Variants in UBE2T observed in about 807,000 individuals in gnomAD.
UBE2T encodes ubiquitin-conjugating enzyme E2 T.
UBE2T carries 15 observed loss-of-function variants against 23.3 expected under a neutral mutation model. The observed-to-expected ratio is 0.64, with a 90% confidence interval of 0.43 to 0.99. UBE2T has a LOEUF of 0.99. Among genes scored for constraint, UBE2T ranks in the 50% least tolerant of loss-of-function variants. UBE2T has a pLI of 0.00. For synonymous variants in UBE2T, 67 were observed against 78.4 expected, an observed-to-expected ratio of 0.85 and a Z score of 0.77; for missense variants, 197 against 234.9, an observed-to-expected ratio of 0.84 and a Z score of 1.05.
At chr1:202,333,137 T>C (rs1335175462) in intron 5 of UBE2T, 44 bp from the exon 6 acceptor site, 1 of 1,604,690 alleles carries the variant, frequency 6.2e-7, no homozygotes, top group Non-Finnish European at 8.5e-7. Flanking sequence ...AAAAACATGA[T>C]TTGCAGTGGT....
At chr1:202,334,926 GCT>G in intron 3 of UBE2T, 61 bp downstream of exon 3, 3 of 1,484,090 alleles carry the variant, frequency 2.0e-6, no homozygotes, top group African/African-American at 1.4e-5. Flanking sequence ...CTACTACATT[GCT>G]CTGTCTCCCA....
chr1:202,335,659 A>G lies in UBE2T; in HGVS notation c.96T>C (p.Asp32=), dbSNP rs199717470. Residue 32 remains aspartate, a synonymous_variant, in exon 2 of 7, where the codon GAT becomes GAC. Transcript: ENST00000646651. This position sits in a 1 kb window ranked among gnomAD's most constrained non-coding sequence, Gnocchi z 4.0. ...TTTGATACCTACGAGCTCGCAGGTC[A>G]TCCATTTGGTCTTTATCTTGCCAAC... is the stretch of plus-strand genomic sequence containing the variant. ...ITCWQDKDQM[D]DLRAQILGGA... The G allele has an allele frequency of 4.3e-6, 7 of 1,614,016 alleles. No homozygotes were observed. In the Admixed American group the frequency reaches 8.3e-5, roughly 19 times the overall value.
At chr1:202,340,366 T>G (rs1033704301) in intron 1 of UBE2T, among the ~76,000 whole-genome samples, 2 of 150,528 alleles carry the variant, frequency 1.3e-5, no homozygotes, top group African/African-American at 4.9e-5. Flanking sequence ...ATACAAAAAT[T>G]AGCAAAGTGT....
intron 1 of UBE2T, among the ~76,000 whole-genome samples, chr1:202,339,618 A>C (rs974373793): frequency 1.3e-5 from 2 of 151,796 alleles, no homozygotes; most frequent in African/African-American, 2.4e-5. Context: ...AAAAAAAAAA[A>C]AAAACATCTT....
chr1:202,338,846 C>T (rs1654939235), intron 1 of UBE2T, among the ~76,000 whole-genome samples: 1 of 151,092 alleles, frequency 6.6e-6, no homozygotes, highest in Admixed American at 6.6e-5. Flanking sequence ...TGCACTCCAG[C>T]CTGGGAGGCA....
chr1:202,337,231 G>A (rs1238496555), intron 1 of UBE2T, among the ~76,000 whole-genome samples: 1 of 152,082 alleles, frequency 6.6e-6, no homozygotes, highest in Non-Finnish European at 1.5e-5. Context: ...GTGAGCCACC[G>A]CGCCCAGCCA....
chr1:202,331,877 A>T lies in UBE2T; in HGVS notation c.552T>A (p.Ser184Arg). ...VHNSTQKRKA[S>R]QLVGIEKKFH... Reference sequence around the variant, plus strand: ...ATTTCTTTTCTATGCCTACTAGCTGACTGGCCTTCCTTTTCTGTGTTGAGT... The same window carrying T: ...ATTTCTTTTCTATGCCTACTAGCTGTCTGGCCTTCCTTTTCTGTGTTGAGT... Residue 184 changes from serine to arginine, a missense_variant, in exon 7 of 7, where the codon AGT (serine) becomes AGA (arginine). Coordinates refer to ENST00000646651, the MANE Select transcript of UBE2T (RefSeq NM_014176.4). 5 of 1,614,124 alleles carry T rather than the reference A, an allele frequency of 3.1e-6. No homozygotes were observed. Among genetic ancestry groups the T allele is most frequent in the Non-Finnish European group, 4.2e-6 (5 of 1,179,998 alleles).
intron 1 of UBE2T, among the ~76,000 whole-genome samples, chr1:202,340,860 A>G (rs1448347640): frequency 6.6e-6 from 1 of 152,250 alleles, no homozygotes; most frequent in Admixed American, 6.5e-5. Flanking sequence ...AAATTGGCAT[A>G]TGCCATTCTT....
In UBE2T at chr1:202,333,053, T is replaced by C. The variant is rs1654801189; in HGVS notation, c.425A>G (p.Asn142Ser). 1 of 1,613,814 alleles carries C rather than the reference T, an allele frequency of 6.2e-7. No individual in the cohort carries two copies. Among genetic ancestry groups the C allele is most frequent in the Non-Finnish European group, 8.5e-7 (1 of 1,179,958 alleles). Reference protein sequence around the residue: ...FKYNKPAFLKNARQWTEKHAR... With the variant: ...FKYNKPAFLKSARQWTEKHAR... The stretch of plus-strand genomic sequence containing the variant: ...ATGCTTCTCTGTCCACTGTCTGGCA[T>C]TCTTGAGGAAGGCTGGCTTATTATA... Residue 142 changes from asparagine (N) to serine (S), a missense_variant, in exon 6 of 7, where the codon AAT (asparagine) becomes AGT (serine). Coordinates refer to ENST00000646651, the MANE Select transcript of UBE2T (RefSeq NM_014176.4).
chr1:202,332,111 C>G (rs1280828392), intron 6 of UBE2T, 151 bp from the exon 7 acceptor site: 5 of 1,011,302 alleles, frequency 4.9e-6, no homozygotes, highest in Non-Finnish European at 6.7e-6. Flanking sequence ...AGACATCTTC[C>G]TCAATTTTTT....
intron 6 of UBE2T, among the ~76,000 whole-genome samples, chr1:202,332,315 GT>G (rs1363399278): frequency 6.6e-6 from 1 of 152,074 alleles, no homozygotes; most frequent in African/African-American, 2.4e-5. Flanking sequence ...CCTAAGAAAA[GT>G]TTCCCCCATC....
chr1:202,334,883 G>C, intron 3 of UBE2T, 106 bp downstream of exon 3: 15 of 1,031,842 alleles, frequency 1.5e-5, no homozygotes, highest in Non-Finnish European at 2.0e-5. Context: ...TCATGATAAG[G>C]CCAGGATTAA....
intron 5 of UBE2T, 31 bp from the exon 6 acceptor site, chr1:202,333,124 G>T: frequency 6.2e-7 from 1 of 1,607,570 alleles, no homozygotes; most frequent in Non-Finnish European, 8.5e-7. Flanking sequence ...AGAGTTAATG[G>T]AGAAAAACAT....
At position 202,331,777 on chromosome 1, in the gene UBE2T, G is replaced by A; in HGVS notation, c.*58C>T. ...ATATTTAAAAAAAAATTCAAGGTAG[G>A]CAACTTAGATCACCTTGGCAAAGAA... On this transcript the variant is annotated 3_prime_UTR_variant, in exon 7 of 7. Coordinates refer to ENST00000646651, the MANE Select transcript of UBE2T (RefSeq NM_014176.4). The A allele has an allele frequency of 1.3e-6, 2 of 1,586,540 alleles. No homozygotes were observed. The highest frequency in any genetic ancestry group is 1.7e-6 in the Non-Finnish European group (2 of 1,166,524).
rs57598991 is a variant in UBE2T at position 202,341,577 on chromosome 1, C to CAAAAAAA, written c.-65+311_-65+317dup. ...TGGGCGACAGAGCGAGACTCCGTCT[C>CAAAAAAA]AAAAAAAAAAAAAAAAAAAAAAAAA... On this transcript the variant is annotated intron_variant, in intron 1 of 6. Transcript: ENST00000646651. Among the ~76,000 whole-genome samples the CAAAAAAA allele has an allele frequency of 1.9e-3, 38 of 20,296 alleles. 1 individual carries two copies. Among genetic ancestry groups the CAAAAAAA allele is most frequent in the East Asian group, 5.7e-3 (3 of 528 alleles). The allele number at this position is 20,296 out of a possible 152,430, so 13.3% of individuals were successfully genotyped here. A position where few individuals can be genotyped will look rare whatever the true frequency, so the allele number is the denominator to read the frequency against.
intron 1 of UBE2T, among the ~76,000 whole-genome samples, chr1:202,339,293 A>G (rs1053254638): frequency 1.3e-5 from 2 of 151,644 alleles, no homozygotes; most frequent in Non-Finnish European, 2.9e-5. Flanking sequence ...ATTACATGCA[A>G]TTTTCAATTT....
At chr1:202,334,714 A>C (rs1321880025) in intron 3 of UBE2T, among the ~76,000 whole-genome samples, 1 of 152,182 alleles carries the variant, frequency 6.6e-6, no homozygotes, top group Non-Finnish European at 1.5e-5. Context: ...TGTATTTAAT[A>C]CCACTGAACT....
At chr1:202,333,661 G>C in intron 3 of UBE2T, 106 bp from the exon 4 acceptor site, 1 of 1,017,770 alleles carries the variant, frequency 9.8e-7, no homozygotes, top group African/African-American at 1.6e-5. Flanking sequence ...AGAAATGTCA[G>C]GGAGACTGCC....
At chr1:202,339,075 T>TC (rs1204332670) in intron 1 of UBE2T, among the ~76,000 whole-genome samples, 1 of 136,538 alleles carries the variant, frequency 7.3e-6, no homozygotes, top group Non-Finnish European at 1.6e-5. Flanking sequence ...GAGTATTGCC[T>TC]CCTTTTTTTT....
Sources: gnomAD v4.1 joint callset for allele counts (sites outside exome capture counted in the v4.1 genomes callset) on GRCh38, gnomAD v4.1.1 for gene constraint, Gnocchi (gnomAD v3.1) non-coding constraint, MANE v1.5 for transcripts, NCBI Gene and HGNC (gene_info 2026-07-23, HGNC 2026-07-21) for gene names.